The following PGGT1B variants were observed in gnomAD, a reference collection of about 807,000 sequenced individuals.
PGGT1B encodes geranylgeranyl transferase type-1 subunit beta.
PGGT1B carries 30 observed loss-of-function variants against 46.1 expected under a neutral mutation model. The observed-to-expected ratio is 0.65, with a 90% CI of 0.49 to 0.88. PGGT1B has a LOEUF of 0.88. Among genes scored for constraint, PGGT1B ranks in the 40% least tolerant of loss-of-function variants. PGGT1B has a pLI of 0.00. For missense variants in PGGT1B, 376 were observed against 455.9 expected (o/e 0.82, Z 1.60); for synonymous variants, 170 against 160.0 (o/e 1.06, Z -0.47).
intron 2 of PGGT1B, among the ~76,000 whole-genome samples, chr5:115,251,038 G>A (rs761705949): frequency 6.6e-6 from 1 of 152,060 alleles, no homozygotes; most frequent in Non-Finnish European, 1.5e-5. Flanking sequence ...ATAATTACTA[G>A]TTGTAGGCTC....
chr5:115,241,399 A>AAT (rs751008062), intron 3 of PGGT1B, 140 bp downstream of exon 3: 165 of 431,792 alleles, frequency 3.8e-4, no homozygotes, highest in African/African-American at 2.7e-3. Flanking sequence ...TTCAGTTTAT[A>AAT]ATATATATAT....
intron 5 of PGGT1B, among the ~76,000 whole-genome samples, chr5:115,232,190 A>C (rs1451554753): frequency 1.3e-5 from 2 of 152,112 alleles, no homozygotes; most frequent in African/African-American, 2.4e-5. Context: ...CTATTACGGG[A>C]ATGTTGATAA....
At chr5:115,247,884 C>A (rs762632617) in intron 2 of PGGT1B, among the ~76,000 whole-genome samples, 3 of 152,152 alleles carry the variant, frequency 2.0e-5, no homozygotes, top group Non-Finnish European at 4.4e-5. Flanking sequence ...TACCAGACAT[C>A]TGACCTGGGA....
chr5:115,218,504 A>C (rs1296710353), intron 7 of PGGT1B, among the ~76,000 whole-genome samples: 1 of 148,538 alleles, frequency 6.7e-6, no homozygotes, highest in African/African-American at 2.4e-5. Flanking sequence ...AAAAAAAAAA[A>C]AAAAACCCAA....
At chr5:115,237,111 G>A (rs1580763679) in intron 4 of PGGT1B, among the ~76,000 whole-genome samples, 1 of 152,142 alleles carries the variant, frequency 6.6e-6, no homozygotes, top group Non-Finnish European at 1.5e-5. Context: ...ATATGTACTG[G>A]ATGAAGTAAA....
Position 115,253,258 on chromosome 5 carries a change from A to G in PGGT1B, c.141-3T>C. The G allele has an allele frequency of 6.4e-7, 1 of 1,571,838 alleles. No homozygotes were observed. Among genetic ancestry groups the G allele is most frequent in the Non-Finnish European group, 8.6e-7 (1 of 1,165,264 alleles). On this transcript the variant is annotated splice_polypyrimidine_tract_variant and splice_region_variant and intron_variant, in intron 1 of 8. Coordinates refer to ENST00000419445, the MANE Select transcript of PGGT1B (RefSeq NM_005023.4). ...GTGCAAAAAATGCAATTGTCAACCT[A>G]AAAGAAAAAAATGTAAAATTCCATC...
At chr5:115,252,757 C>T (rs539912219) in intron 2 of PGGT1B, 8 of 156,686 alleles carry the variant, frequency 5.1e-5, no homozygotes, top group Non-Finnish European at 9.8e-5. Context: ...GAAAACTTTT[C>T]GATGGCAAAG....
intron 6 of PGGT1B, among the ~76,000 whole-genome samples, chr5:115,225,666 G>C (rs865918189): frequency 8.4e-6 from 1 of 118,988 alleles, no homozygotes; most frequent in Non-Finnish European, 1.8e-5. Context: ...TTTTTTTTTT[G>C]AGACAGTCTT....
chr5:115,212,995 C>A (rs191364213), intron 8 of PGGT1B, among the ~76,000 whole-genome samples: 2 of 152,016 alleles, frequency 1.3e-5, no homozygotes, highest in Admixed American at 1.3e-4. Flanking sequence ...AAAACGAAAA[C>A]AAAACTCTGA....
intron 2 of PGGT1B, 43 bp from the exon 3 acceptor site, chr5:115,241,649 T>G (rs1757348051): frequency 7.0e-7 from 1 of 1,426,974 alleles, no homozygotes. Context: ...ACACTTTATT[T>G]TTGCACAGAT....
chr5:115,223,637 A>G (rs1372665871), intron 6 of PGGT1B, among the ~76,000 whole-genome samples: 1 of 152,178 alleles, frequency 6.6e-6, no homozygotes, highest in African/African-American at 2.4e-5. Flanking sequence ...TTACAGATGT[A>G]CAGCTCTGGC....
Position 115,221,817 on chromosome 5 carries a change from C to A in PGGT1B, c.843+7G>T. On this transcript the variant is annotated splice_region_variant and intron_variant, in intron 7 of 8. Coordinates refer to ENST00000419445, the MANE Select transcript of PGGT1B (RefSeq NM_005023.4). ...ATAGGTTTCTCATTTTTTATTATTT[C>A]TCTTACCTTCAGAGTTGCTCCCACC... is the stretch of plus-strand genomic sequence containing the variant. The A allele has an allele frequency of 6.5e-7, 1 of 1,538,202 alleles. No homozygotes were observed. Among genetic ancestry groups the A allele is most frequent in the Non-Finnish European group, 8.8e-7 (1 of 1,140,104 alleles).
chr5:115,252,583 T>C (rs950967121), intron 2 of PGGT1B, among the ~76,000 whole-genome samples: 1 of 152,084 alleles, frequency 6.6e-6, no homozygotes, highest in Non-Finnish European at 1.5e-5. Flanking sequence ...AAAACTTGTA[T>C]ATTTGCAGTT....
At chr5:115,215,970 T>C (rs935765350) in intron 8 of PGGT1B, among the ~76,000 whole-genome samples, 45 of 152,134 alleles carry the variant, frequency 3.0e-4, no homozygotes, top group African/African-American at 1.1e-3. Context: ...TGAAAACATA[T>C]GTCGGGTGAG....
rs1362956514 is a variant in PGGT1B, at chr5:115,204,940, G to A, written c.*7462C>T. On this transcript the variant is annotated 3_prime_UTR_variant, in exon 9 of 9. Transcript: ENST00000419445. ...ACAGTATGTTCTGTAGTAGAAAAAA[G>A]ATACTCTGTAACAGAATCTCATTTG... 1 of 152,142 alleles carries A rather than the reference G, an allele frequency of 6.6e-6. No individual in the cohort carries two copies. Among genetic ancestry groups the A allele is most frequent in the Non-Finnish European group, 1.5e-5 (1 of 68,018 alleles). 9.4% of individuals were successfully genotyped at this position (152,142 alleles called of 1,614,324 possible).
intron 3 of PGGT1B, 78 bp downstream of exon 3, chr5:115,241,461 G>C (rs755953709): frequency 2.5e-5 from 20 of 800,094 alleles, no homozygotes; most frequent in Admixed American, 9.0e-5. Flanking sequence ...GTTTTTTTCT[G>C]TGTAACTTCT....
At chr5:115,246,807 T>C (rs183145276) in intron 2 of PGGT1B, among the ~76,000 whole-genome samples, 8 of 152,352 alleles carry the variant, frequency 5.3e-5, no homozygotes, top group Non-Finnish European at 7.3e-5. Context: ...TTGGTAAATA[T>C]ACTTTTGTAG....
chr5:115,229,486 A>G (rs747416727), intron 6 of PGGT1B, among the ~76,000 whole-genome samples: 17 of 152,168 alleles, frequency 1.1e-4, no homozygotes, highest in Non-Finnish European at 2.1e-4. Flanking sequence ...CAGCCTACTC[A>G]AGCCATACCA....
chr5:115,253,910 A>G (rs1748205327), intron 1 of PGGT1B, among the ~76,000 whole-genome samples: 1 of 152,032 alleles, frequency 6.6e-6, no homozygotes, highest in South Asian at 2.1e-4. Flanking sequence ...TCATATAAAA[A>G]TCAGTATCTT....
Sources: gnomAD v4.1 joint callset for allele counts (sites outside exome capture counted in the v4.1 genomes callset) on GRCh38, gnomAD v4.1.1 for gene constraint, MANE v1.5 for transcripts, NCBI Gene and HGNC (gene_info 2026-07-23, HGNC 2026-07-21) for gene names.